The following MPDZ variants were observed in gnomAD, a reference collection of about 807,000 sequenced individuals.
MPDZ encodes multiple PDZ domain protein.
In MPDZ, 234 loss-of-function variants were observed where a neutral mutation model predicts 239.1. That is an observed-to-expected ratio of 0.98 (90% CI 0.88 to 1.09). The LOEUF is 1.09. Among genes scored for constraint, MPDZ ranks in the 50% least tolerant of loss-of-function variants. MPDZ has a pLI of 0.00. For synonymous variants in MPDZ, 1,048 were observed against 881.3 expected (o/e 1.19, Z -3.35); for missense variants, 3,175 against 2,510.0 (o/e 1.26, Z -5.66).
Position 13,261,595 on chromosome 9 carries a change from G to C in MPDZ, c.-57-11223C>G, listed in dbSNP as rs189364244. On this transcript the variant is annotated intron_variant, in intron 1 of 46. Transcript: ENST00000319217. ...CACTAAATAATTAATAATCCTACAG[G>C]AGAGATAGTTACATCAGAAAAACAA... Among the ~76,000 whole-genome samples, 281 of 152,240 alleles carry C rather than the reference G, an allele frequency of 1.8e-3. 1 individual carries two copies. Among genetic ancestry groups the C allele is most frequent in the Non-Finnish European group, 3.0e-3 (207 of 68,012 alleles).
intron 1 of MPDZ, among the ~76,000 whole-genome samples, chr9:13,265,894 T>C (rs11793993): frequency 0.43 from 65,227 of 151,988 alleles, 17,028 homozygotes; most frequent in Middle Eastern, 0.61. Context: ...AAGACCATAG[T>C]ATTACAATCA....
At chr9:13,150,836 A>C in intron 24 of MPDZ, 148 bp from the exon 25 acceptor site, 1 of 543,284 alleles carries the variant, frequency 1.8e-6, no homozygotes, top group Non-Finnish European at 2.8e-6. Flanking sequence ...TATCAAAATT[A>C]AAAACTTCTG....
chr9:13,180,724 G>C (rs915931260), intron 19 of MPDZ, among the ~76,000 whole-genome samples: 1 of 152,254 alleles, frequency 6.6e-6, no homozygotes, highest in South Asian at 2.1e-4. Flanking sequence ...CTAGAGCCAT[G>C]TTGCTCTTAA....
At chr9:13,176,804 C>G (rs939031214) in intron 19 of MPDZ, among the ~76,000 whole-genome samples, 2 of 152,020 alleles carry the variant, frequency 1.3e-5, no homozygotes, top group Admixed American at 6.6e-5. Context: ...TCCCATCAGT[C>G]TGAAGTTCCC....
chr9:13,272,700 T>TA (rs539786957), intron 1 of MPDZ, among the ~76,000 whole-genome samples: 19,536 of 78,346 alleles, frequency 0.25, 1,821 homozygotes, highest in Non-Finnish European at 0.28. Context: ...CTGTTCCTAC[T>TA]AAAAAAAAAA....
chr9:13,115,161 C>T lies in MPDZ; in HGVS notation c.5466+87G>A, dbSNP rs555063529. On this transcript the variant is annotated intron_variant, in intron 40 of 46. Transcript: ENST00000319217. ...ATCCCACGCTGCCAGGGGACCAGACCTTGTACACAGACCCACAGTCAGGGC... is the reference window on the plus strand; with the variant it reads ...ATCCCACGCTGCCAGGGGACCAGACTTTGTACACAGACCCACAGTCAGGGC... 2.5e-4 allele frequency: 292 copies of T among 1,160,440 alleles called. 1 individual carries two copies. The African/African-American group carries it at 4.2e-3, about 17-fold the overall frequency. 71.9% of individuals were successfully genotyped at this position (1,160,440 alleles called of 1,614,324 possible). A position where few individuals can be genotyped will look rare whatever the true frequency, so the allele number is the denominator to read the frequency against.
intron 31 of MPDZ, chr9:13,135,520 C>A (rs1238150546): frequency 3.9e-5 from 6 of 152,290 alleles, no homozygotes; most frequent in African/African-American, 1.4e-4. Flanking sequence ...CTCTACAGTA[C>A]TGCCAGAGAA....
At chr9:13,191,729 T>C (rs1483439790) in intron 15 of MPDZ, among the ~76,000 whole-genome samples, 4 of 152,196 alleles carry the variant, frequency 2.6e-5, no homozygotes, top group Non-Finnish European at 2.9e-5. Context: ...ATGTACACAC[T>C]ATATACTTCA....
At position 13,217,205 on chromosome 9, in the gene MPDZ, A is replaced by G. The variant is rs974920326; in HGVS notation, c.1176T>C (p.Ala392=). 2.5e-6 allele frequency: 4 copies of G among 1,595,944 alleles called. No homozygotes were observed. In the Admixed American group the frequency reaches 5.2e-5, roughly 21 times the overall value. Residue 392 remains alanine, a synonymous_variant, in exon 9 of 47, where the codon GCT becomes GCC. Transcript: ENST00000319217. ...CCAATTTTTTATCTCCAATGTAGCC[A>G]GCAATGGTAATTCCTAATCCTTGGA... ...KNVQGLGITI[A]GYIGDKKLEP...
chr9:13,253,992 G>A (rs1165611607), intron 1 of MPDZ, among the ~76,000 whole-genome samples: 1 of 152,170 alleles, frequency 6.6e-6, no homozygotes, highest in East Asian at 1.9e-4. Context: ...AAGTGATGGA[G>A]CCAGGTTCTT....
chr9:13,106,867 C>G lies in MPDZ; in HGVS notation c.*98G>C. On this transcript the variant is annotated 3_prime_UTR_variant, in exon 47 of 47. Transcript: ENST00000319217. ...TATTTCCCCCCTACAGTTTTGAAGA[C>G]CCGGCTGAACACAGCATAAAAATTG... 7.4e-7 allele frequency: 1 copy of G among 1,357,580 alleles called. No individual in the cohort carries two copies. The highest frequency in any genetic ancestry group is 1.6e-5 in the South Asian group (1 of 60,634). 84.1% of individuals were successfully genotyped at this position (1,357,580 alleles called of 1,614,324 possible). A position where few individuals can be genotyped will look rare whatever the true frequency, so the allele number is the denominator to read the frequency against.
Position 13,224,200 on chromosome 9 carries a change from A to C in MPDZ, c.393+174T>G, listed in dbSNP as rs189404796. 4.3e-3 allele frequency among the ~76,000 whole-genome samples: 662 copies of C among 152,202 alleles called. 5 individuals are homozygous for C. The highest frequency in any genetic ancestry group is 5.1e-3 in the Non-Finnish European group (344 of 67,994). Reference sequence around the variant, plus strand: ...ATATAATACTCAAATTTAAATGATGATAAAACTGTAATAGAAAACGTCTGA... The same window carrying C: ...ATATAATACTCAAATTTAAATGATGCTAAAACTGTAATAGAAAACGTCTGA... On this transcript the variant is annotated intron_variant, in intron 4 of 46. Transcript: ENST00000319217.
In MPDZ at chr9:13,247,623, A is replaced by T. The variant is rs755290895; in HGVS notation, c.183+12T>A. ...ATGTCGTGAATGCCTGCTTGGGTGA[A>T]TGATGTCCTACCTGGTCTTTCAGCT... On this transcript the variant is annotated intron_variant, in intron 3 of 46. Transcript: ENST00000319217. 6.2e-7 allele frequency: 1 copy of T among 1,602,198 alleles called. No individual in the cohort carries two copies. Among genetic ancestry groups the T allele is most frequent in the South Asian group, 1.1e-5 (1 of 90,100 alleles).
In MPDZ at chr9:13,162,684, C is replaced by A; in HGVS notation, c.3359+7G>T. 6.3e-7 allele frequency: 1 copy of A among 1,578,768 alleles called. No homozygotes were observed. On this transcript the variant is annotated splice_region_variant and intron_variant, in intron 23 of 46. Coordinates refer to ENST00000319217, the MANE Select transcript of MPDZ (RefSeq NM_001378778.1). ...ATTCATTGTATTAGATTTAATGTTT[C>A]ACTTACCTGCCAGTGTATGAAGAAA...
intron 22 of MPDZ, chr9:13,165,258 C>G: frequency 1.9e-6 from 2 of 1,068,524 alleles, no homozygotes; most frequent in East Asian, 2.7e-5. Context: ...TATACAAAAT[C>G]TATATCTGGA....
At chr9:13,220,029 T>C (rs2136230786) in intron 7 of MPDZ, among the ~76,000 whole-genome samples, 1 of 152,024 alleles carries the variant, frequency 6.6e-6, no homozygotes, top group East Asian at 1.9e-4. Flanking sequence ...CTACCAAGAG[T>C]TCATATGAAC....
intron 1 of MPDZ, among the ~76,000 whole-genome samples, chr9:13,250,931 C>G (rs962925095): frequency 6.6e-6 from 1 of 151,792 alleles, no homozygotes; most frequent in African/African-American, 2.4e-5. Context: ...GAGTTCGAGA[C>G]CAGCCTGGCC....
chr9:13,173,942 A>G (rs796300786), intron 21 of MPDZ, among the ~76,000 whole-genome samples: 2 of 152,268 alleles, frequency 1.3e-5, no homozygotes, highest in African/African-American at 2.4e-5. Context: ...AAACCCATCC[A>G]GCAGTTGTCT....
chr9:13,158,990 G>C (rs529726820), intron 23 of MPDZ, among the ~76,000 whole-genome samples: 2 of 152,210 alleles, frequency 1.3e-5, no homozygotes, highest in East Asian at 3.9e-4. Flanking sequence ...AGCAGAGAAG[G>C]CTATAAAAAC....
Sources: gnomAD v4.1 joint callset for allele counts (sites outside exome capture counted in the v4.1 genomes callset) on GRCh38, gnomAD v4.1.1 for gene constraint, MANE v1.5 for transcripts, NCBI Gene and HGNC (gene_info 2026-07-23, HGNC 2026-07-21) for gene names.